Variants in IGF1R observed in about 807,000 individuals in gnomAD.
IGF1R encodes the protein insulin like growth factor 1 receptor.
In IGF1R, 44 loss-of-function variants were observed where a neutral mutation model predicts 144.6. The ratio of observed to expected loss-of-function variants is 0.30; its 90% CI spans 0.24 to 0.39. The LOEUF (loss-of-function observed/expected upper bound fraction) is 0.39, where lower values mean the gene tolerates loss of function less well. Ranked by LOEUF, IGF1R falls within the 10% of genes least tolerant of loss-of-function variation. The probability of loss-of-function intolerance (pLI) is 1.00; values close to 1 mark genes in which losing one functional copy is unlikely to be tolerated. For missense variants in IGF1R, 1,355 were observed against 1,833.7 expected (o/e 0.74, Z 4.77); for synonymous variants, 795 against 722.8 (o/e 1.10, Z -1.60).
At chr15:98,766,529 C>A (rs2055440995) in intron 2 of IGF1R, among the ~76,000 whole-genome samples, 1 of 152,088 alleles carries the variant, frequency 6.6e-6, no homozygotes, top group Admixed American at 6.5e-5. Context: ...CCTTAATATT[C>A]TTCGTATTTT....
At chr15:98,756,327 A>G (rs571350326) in intron 2 of IGF1R, among the ~76,000 whole-genome samples, 1 of 151,232 alleles carries the variant, frequency 6.6e-6, no homozygotes, top group African/African-American at 2.4e-5. Context: ...ATCCCAGAAC[A>G]TTTTAAAACA....
intron 2 of IGF1R, among the ~76,000 whole-genome samples, chr15:98,798,383 G>T (rs1366721491): frequency 2.0e-5 from 3 of 152,176 alleles, no homozygotes; most frequent in Non-Finnish European, 2.9e-5. Flanking sequence ...AGTTATGTAG[G>T]GCCCTGGAGG....
intron 2 of IGF1R, among the ~76,000 whole-genome samples, chr15:98,741,716 G>C (rs149411771): frequency 8.5e-5 from 13 of 152,240 alleles, no homozygotes; most frequent in Non-Finnish European, 1.8e-4. Context: ...AGAGTTGTTG[G>C]GTTTTCCCAG....
intron 2 of IGF1R, among the ~76,000 whole-genome samples, chr15:98,728,018 T>G (rs2054406021): frequency 6.6e-6 from 1 of 150,636 alleles, no homozygotes; most frequent in African/African-American, 2.4e-5. Flanking sequence ...TTTTTTTTTT[T>G]TTTTTTTTTT....
chr15:98,840,179 C>T (rs569121296), intron 2 of IGF1R, among the ~76,000 whole-genome samples: 9 of 152,202 alleles, frequency 5.9e-5, no homozygotes, highest in South Asian at 4.1e-4. Context: ...CACGGACTCT[C>T]TCCCCTCTTG....
At chr15:98,741,244 T>G (rs1223019341) in intron 2 of IGF1R, among the ~76,000 whole-genome samples, 6 of 149,158 alleles carry the variant, frequency 4.0e-5, no homozygotes, top group Non-Finnish European at 7.4e-5. Context: ...GCTTTTTTTT[T>G]TTTTTTTTTT....
intron 2 of IGF1R, among the ~76,000 whole-genome samples, chr15:98,752,330 T>C (rs2055032227): frequency 6.6e-6 from 1 of 152,162 alleles, no homozygotes; most frequent in Non-Finnish European, 1.5e-5. Context: ...GGTCCTGCTG[T>C]CTGGGGAGTC....
At chr15:98,718,230 G>C (rs1198479762) in intron 2 of IGF1R, among the ~76,000 whole-genome samples, 2 of 152,114 alleles carry the variant, frequency 1.3e-5, no homozygotes, top group African/African-American at 2.4e-5. Flanking sequence ...CTTTGCCTTG[G>C]TCACAAACAA....
intron 2 of IGF1R, among the ~76,000 whole-genome samples, chr15:98,829,637 G>A (rs900023359): frequency 5.9e-5 from 9 of 152,196 alleles, no homozygotes; most frequent in Admixed American, 5.2e-4. Flanking sequence ...TGTGGCTCTC[G>A]GATCCAGGAG....
rs560335137 is a variant in IGF1R at position 98,791,675 on chromosome 15, A to G, written c.640+83568A>G. 4.5e-4 allele frequency among the ~76,000 whole-genome samples: 68 copies of G among 152,362 alleles called. 1 individual carries two copies. The highest frequency in any genetic ancestry group is 1.3e-3 in the African/African-American group (52 of 41,588). ...AAAATTTTAAGTTGGTGAAAATACT[A>G]TGTGATCGAAGGATGAACATATTTT... On this transcript the variant is annotated intron_variant, in intron 2 of 20. Coordinates refer to ENST00000650285, the MANE Select transcript of IGF1R (RefSeq NM_000875.5).
rs776238072 is a variant in IGF1R at position 98,939,210 on chromosome 15, G to A, written c.3307G>A (p.Val1103Ile). ...TTTAAATCTCCAACAGAATAATCCA[G>A]TCCTAGCACCTCCAAGCCTGAGCAA... The part of the protein sequence containing the change: ...SLRPEMENNP[V>I]LAPPSLSKMI... The change falls in exon 18 of 21, where the codon GTC becomes ATC. Residue 1103 changes from valine to isoleucine, a missense_variant. This residue lies in a region of IGF1R where 45 missense variants were observed against 43.5 expected (regional missense o/e 1.03). Transcript: ENST00000650285. 6.2e-6 allele frequency: 10 copies of A among 1,613,814 alleles called. No homozygotes were observed. The Admixed American group carries it at 1.3e-4, about 22-fold the overall frequency.
At chr15:98,798,247 G>C (rs939385360) in intron 2 of IGF1R, among the ~76,000 whole-genome samples, 1 of 152,096 alleles carries the variant, frequency 6.6e-6, no homozygotes, top group African/African-American at 2.4e-5. Flanking sequence ...ACCTTTTTAC[G>C]TAGGGTATTC....
rs2017224042 is a variant in IGF1R, at chr15:98,961,479, G to C, written c.*4037G>C. On this transcript the variant is annotated 3_prime_UTR_variant, in exon 21 of 21. Transcript: ENST00000650285. Reference sequence around the variant, plus strand: ...AACCCACCCACCTTGACTATACCAAGGCATCATCTATCCACAGTTCTAGCC... The same window carrying C: ...AACCCACCCACCTTGACTATACCAACGCATCATCTATCCACAGTTCTAGCC... 1 of 233,346 alleles carries C rather than the reference G, an allele frequency of 4.3e-6. No individual in the cohort carries two copies. The highest frequency in any genetic ancestry group is 2.2e-5 in the African/African-American group (1 of 45,342). The allele number at this position is 233,346 out of a possible 1,614,324, so 14.5% of individuals were successfully genotyped here. A position where few individuals can be genotyped will look rare whatever the true frequency, so the allele number is the denominator to read the frequency against.
At chr15:98,944,049 C>G (rs1018912697) in intron 19 of IGF1R, among the ~76,000 whole-genome samples, 2 of 152,186 alleles carry the variant, frequency 1.3e-5, no homozygotes, top group African/African-American at 2.4e-5. Context: ...AGATGGTTAT[C>G]TCTTCACTGT....
At chr15:98,865,566 A>T (rs2012389088) in intron 2 of IGF1R, among the ~76,000 whole-genome samples, 1 of 152,102 alleles carries the variant, frequency 6.6e-6, no homozygotes, top group Admixed American at 6.5e-5. Context: ...TAGAAAAGGG[A>T]GTGGGGCCCG....
chr15:98,724,868 G>A (rs2054322356), intron 2 of IGF1R, among the ~76,000 whole-genome samples: 1 of 152,170 alleles, frequency 6.6e-6, no homozygotes, highest in South Asian at 2.1e-4. Context: ...TTAAAACAAA[G>A]GCATCGGCCC....
chr15:98,862,575 T>A (rs139871556), intron 2 of IGF1R, among the ~76,000 whole-genome samples: 1 of 152,350 alleles, frequency 6.6e-6, no homozygotes, highest in East Asian at 1.9e-4. Flanking sequence ...TTCACCTTAT[T>A]TATTAAGCTA....
intron 1 of IGF1R, among the ~76,000 whole-genome samples, chr15:98,650,200 G>T (rs12905681): frequency 6.6e-6 from 1 of 152,106 alleles, no homozygotes; most frequent in South Asian, 2.1e-4. Context: ...CTCGAGGGGG[G>T]AGGTGCCCTG....
intron 2 of IGF1R, among the ~76,000 whole-genome samples, chr15:98,801,980 G>C (rs1287420436): frequency 6.6e-6 from 1 of 152,168 alleles, no homozygotes; most frequent in Non-Finnish European, 1.5e-5. Context: ...ATAGGTACCT[G>C]CCATTGTGCA....
Sources: allele counts gnomAD v4.1 joint callset (sites outside exome capture counted in the v4.1 genomes callset), GRCh38; gene constraint gnomAD v4.1.1; regional missense constraint gnomAD v4.1.1; transcripts MANE v1.5; gene names NCBI Gene and HGNC (gene_info 2026-07-23, HGNC 2026-07-21).